The following IKZF1 variants were observed in gnomAD, a reference collection of about 807,000 sequenced individuals.
The protein encoded by IKZF1 is DNA-binding protein Ikaros.
A neutral mutation model predicts 51.7 loss-of-function variants in IKZF1; 10 were observed. The ratio of observed to expected loss-of-function variants is 0.19; its 90% CI spans 0.12 to 0.33. The LOEUF is 0.33. Ranked by LOEUF, IKZF1 falls within the 10% of genes least tolerant of loss-of-function variation. IKZF1 has a pLI of 1.00. For missense variants in IKZF1, 484 were observed against 707.5 expected (o/e 0.68, Z 3.58); for synonymous variants, 280 against 282.3 (o/e 0.99, Z 0.08).
At position 50,401,369 on chromosome 7, in the gene IKZF1, C is replaced by T. The variant is rs1369623160; in HGVS notation, c.*742C>T. 1 of 228,684 alleles carries T rather than the reference C, an allele frequency of 4.4e-6. No homozygotes were observed. Among genetic ancestry groups the T allele is most frequent in the East Asian group, 6.2e-5 (1 of 16,234 alleles). The allele number at this position is 228,684 out of a possible 1,614,324, so 14.2% of individuals were successfully genotyped here. Reference sequence around the variant, plus strand: ...CGGAGGCTGCTCAGATGGCCTGAGCCTCCCGAGGCTTGCTGCCCCGTAGGA... The same window carrying T: ...CGGAGGCTGCTCAGATGGCCTGAGCTTCCCGAGGCTTGCTGCCCCGTAGGA... On this transcript the variant is annotated 3_prime_UTR_variant, in exon 8 of 8. Transcript: ENST00000331340.
intron 1 of IKZF1, among the ~76,000 whole-genome samples, chr7:50,315,924 TGCTA>T (rs1397428451): frequency 3.3e-5 from 5 of 152,232 alleles, no homozygotes; most frequent in Non-Finnish European, 7.3e-5. Flanking sequence ...GTGATGCACG[TGCTA>T]ACAAAGGAGT....
chr7:50,390,318 T>C (rs1048205120), intron 6 of IKZF1, among the ~76,000 whole-genome samples: 1 of 152,230 alleles, frequency 6.6e-6, no homozygotes, highest in African/African-American at 2.4e-5. Context: ...TCAGGAAGCA[T>C]ATTAGCTTAA....
chr7:50,369,378 G>A (rs767904448), intron 3 of IKZF1: 359 of 394,558 alleles, frequency 9.1e-4, no homozygotes, highest in Non-Finnish European at 1.2e-3. Context: ...TGTAAGAATC[G>A]CTGCATGTGA....
At chr7:50,378,208 A>G (rs1046862349) in intron 4 of IKZF1, among the ~76,000 whole-genome samples, 33 of 152,346 alleles carry the variant, frequency 2.2e-4, no homozygotes, top group Non-Finnish European at 3.8e-4. Context: ...AAACCTATAA[A>G]AATAAGTTGA....
chr7:50,316,654 C>T (rs1482559507), intron 1 of IKZF1, among the ~76,000 whole-genome samples: 3 of 152,226 alleles, frequency 2.0e-5, no homozygotes, highest in Non-Finnish European at 4.4e-5. Flanking sequence ...ATTTGGGGAC[C>T]AGCCGAGGGC....
chr7:50,391,225 G>A (rs539828629), intron 6 of IKZF1, among the ~76,000 whole-genome samples: 11 of 152,282 alleles, frequency 7.2e-5, no homozygotes, highest in Non-Finnish European at 1.3e-4. Flanking sequence ...GGGATAAGGG[G>A]CTCTGGGTTT....
intron 3 of IKZF1, among the ~76,000 whole-genome samples, chr7:50,359,704 C>T (rs1034351183): frequency 6.6e-6 from 1 of 152,210 alleles, no homozygotes; most frequent in African/African-American, 2.4e-5. Context: ...ACCAGTGCAC[C>T]AGACCAGATG....
At chr7:50,372,496 C>G (rs1238543857) in intron 3 of IKZF1, among the ~76,000 whole-genome samples, 2 of 152,240 alleles carry the variant, frequency 1.3e-5, no homozygotes, top group Non-Finnish European at 2.9e-5. Context: ...CATCTAACTT[C>G]CATTTAAAAC....
rs1811887100 is a variant in IKZF1 at position 50,381,692 on chromosome 7, A to G, written c.422-848A>G. Among the ~76,000 whole-genome samples the G allele has an allele frequency of 2.0e-5, 3 of 152,254 alleles. No homozygotes were observed. In the South Asian group the frequency reaches 6.2e-4, roughly 31 times the overall value. ...AAATTGCACCTCTTAGAATACCTGTACTTAAAATATAATTTGTCTTCTATG... is the reference window on the plus strand; with the variant it reads ...AAATTGCACCTCTTAGAATACCTGTGCTTAAAATATAATTTGTCTTCTATG... On this transcript the variant is annotated intron_variant, in intron 4 of 7. Coordinates refer to ENST00000331340, the MANE Select transcript of IKZF1 (RefSeq NM_006060.6).
intron 1 of IKZF1, among the ~76,000 whole-genome samples, chr7:50,317,592 CA>C (rs1440845013): frequency 2.0e-5 from 3 of 152,068 alleles, no homozygotes; most frequent in Admixed American, 6.5e-5. Context: ...GTACAGTGGC[CA>C]CTAGCTGTAC....
intron 3 of IKZF1, among the ~76,000 whole-genome samples, chr7:50,366,053 T>A (rs1584810076): frequency 6.6e-6 from 1 of 152,156 alleles, no homozygotes; most frequent in African/African-American, 2.4e-5. Flanking sequence ...ATGTTCTCAC[T>A]TTTAAGTGTG....
intron 3 of IKZF1, among the ~76,000 whole-genome samples, chr7:50,350,382 G>A (rs1044932824): frequency 6.6e-6 from 1 of 152,226 alleles, no homozygotes; most frequent in African/African-American, 2.4e-5. Flanking sequence ...CTTTCACGGT[G>A]CAGATGCTAA....
At chr7:50,375,115 T>G (rs1809839423) in intron 3 of IKZF1, among the ~76,000 whole-genome samples, 1 of 151,926 alleles carries the variant, frequency 6.6e-6, no homozygotes, top group Admixed American at 6.6e-5. Flanking sequence ...TGATTGAAAA[T>G]GTTGATCAAA....
chr7:50,385,494 G>T (rs1813115151), intron 5 of IKZF1, among the ~76,000 whole-genome samples: 1 of 152,212 alleles, frequency 6.6e-6, no homozygotes, highest in African/African-American at 2.4e-5. Context: ...CTGGAGGGGT[G>T]GAGAAGTGAT....
At chr7:50,329,957 G>A (rs1018621960) in intron 3 of IKZF1, among the ~76,000 whole-genome samples, 3 of 152,218 alleles carry the variant, frequency 2.0e-5, no homozygotes, top group Non-Finnish European at 2.9e-5. Flanking sequence ...AATAGCACAC[G>A]TGCCTTCAAA....
chr7:50,303,477 G>A (rs1048149634), upstream of IKZF1, among the ~76,000 whole-genome samples: 2 of 152,320 alleles, frequency 1.3e-5, no homozygotes, highest in South Asian at 2.1e-4. The surrounding 1 kb of genome is among the most constrained non-coding windows in gnomAD (Gnocchi z 4.7). Context: ...GTGCACCCAG[G>A]CCAACATGGA....
rs1468150750 is a variant in IKZF1, at chr7:50,382,613, G to A, written c.495G>A (p.Lys165=). 1 of 1,613,682 alleles carries A rather than the reference G, an allele frequency of 6.2e-7. No homozygotes were observed. Among genetic ancestry groups the A allele is most frequent in the East Asian group, 2.2e-5 (1 of 44,884 alleles). Residue 165 remains lysine, a synonymous_variant, in exon 5 of 8, where the codon AAG becomes AAA. Transcript: ENST00000331340. The part of the protein sequence containing the change: ...TQKGNLLRHI[K]LHSGEKPFKC... ...AGGGCAACCTGCTCCGGCACATCAA[G>A]CTGCATTCCGGGGAGAAGCCCTTCA... is the stretch of plus-strand genomic sequence containing the variant.
Position 50,400,374 on chromosome 7 carries a change from A to G in IKZF1, c.1307A>G (p.Asp436Gly). ...CTCAAGGAGGAGCACCGCGCCTACG[A>G]CCTGCTGCGCGCCGCCTCCGAGAAC... ...LSLKEEHRAY[D>G]LLRAASENSQ... Residue 436 changes from aspartate (D) to glycine (G), a missense_variant, in exon 8 of 8, where the codon GAC becomes GGC. This residue lies in a region of IKZF1 where 72 missense variants were observed against 67.5 expected (regional missense o/e 1.07). Transcript: ENST00000331340. This position sits in a 1 kb window ranked among gnomAD's most constrained non-coding sequence, Gnocchi z 5.4. 2 of 1,613,056 alleles carry G rather than the reference A, an allele frequency of 1.2e-6. No individual in the cohort carries two copies. Among genetic ancestry groups the G allele is most frequent in the Non-Finnish European group, 8.5e-7 (1 of 1,179,756 alleles).
At chr7:50,386,597 G>A (rs1272715420) in intron 5 of IKZF1, among the ~76,000 whole-genome samples, 2 of 151,782 alleles carry the variant, frequency 1.3e-5, no homozygotes, top group East Asian at 1.9e-4. Context: ...ATATGTATAT[G>A]AGAATACGTA....
Sources: allele counts gnomAD v4.1 joint callset (sites outside exome capture counted in the v4.1 genomes callset), GRCh38; gene constraint gnomAD v4.1.1; regional missense constraint gnomAD v4.1.1; non-coding constraint Gnocchi (gnomAD v3.1); transcripts MANE v1.5; gene names NCBI Gene and HGNC (gene_info 2026-07-23, HGNC 2026-07-21).